SYCP1: variants seen among roughly 807,000 people sequenced by gnomAD.
SYCP1 encodes synaptonemal complex protein 1.
Under a neutral mutation model 153.1 loss-of-function variants are expected in SYCP1, and 64 were observed. That is an observed-to-expected ratio of 0.42 (90% confidence interval 0.34 to 0.51). The LOEUF is 0.51. SYCP1 is among the 20% of genes least tolerant of loss of function. The pLI, the probability that SYCP1 is intolerant of heterozygous loss-of-function variation, is 0.06. For missense variants in SYCP1, 997 were observed against 1,049.0 expected (o/e 0.95, Z 0.68); for synonymous variants, 384 against 341.8 (o/e 1.12, Z -1.36).
At chr1:114,867,486 C>T (rs79838121) in intron 8 of SYCP1, among the ~76,000 whole-genome samples, 4,031 of 152,006 alleles carry the variant, frequency 0.027, 83 homozygotes, top group Non-Finnish European at 0.042. Flanking sequence ...TAGATTTGTA[C>T]CTAAGTATTT....
intron 16 of SYCP1, among the ~76,000 whole-genome samples, chr1:114,896,694 A>G (rs1013234306): frequency 1.3e-5 from 2 of 152,226 alleles, no homozygotes; most frequent in Non-Finnish European, 2.9e-5. Context: ...AGAAAGTGAC[A>G]CTTTGTAACA....
intron 30 of SYCP1, 71 bp from the exon 31 acceptor site, chr1:114,994,627 T>C: frequency 8.2e-7 from 1 of 1,218,348 alleles, no homozygotes. Context: ...ATGTGATATG[T>C]TGACAAAATG....
intron 10 of SYCP1, 41 bp downstream of exon 10, chr1:114,876,179 T>C (rs747587779): frequency 1.5e-6 from 2 of 1,373,134 alleles, no homozygotes; most frequent in Non-Finnish European, 2.0e-6. Flanking sequence ...ATTACTGTTT[T>C]GCTATTTATA....
At chr1:114,911,395 A>T (rs919719595) in intron 17 of SYCP1, 84 bp from the exon 18 acceptor site, 14 of 1,073,622 alleles carry the variant, frequency 1.3e-5, no homozygotes, top group Non-Finnish European at 1.7e-5. Flanking sequence ...TGCCAAATAT[A>T]TGACTTAATT....
intron 15 of SYCP1, among the ~76,000 whole-genome samples, chr1:114,893,240 A>G (rs1199173295): frequency 6.6e-6 from 1 of 151,832 alleles, no homozygotes; most frequent in East Asian, 1.9e-4. Flanking sequence ...TTTTTCCTGA[A>G]TTGGGAGGTA....
intron 27 of SYCP1, among the ~76,000 whole-genome samples, chr1:114,960,628 G>A (rs185800907): frequency 6.9e-4 from 105 of 152,264 alleles, no homozygotes; most frequent in Admixed American, 2.4e-3. Flanking sequence ...ATATCTCATT[G>A]TAGTTTTGAT....
At chr1:114,867,542 C>A (rs562358278) in intron 8 of SYCP1, among the ~76,000 whole-genome samples, 1 of 152,044 alleles carries the variant, frequency 6.6e-6, no homozygotes, top group South Asian at 2.1e-4. Flanking sequence ...TTTTCAATTT[C>A]AAATTCCGCT....
chr1:114,858,398 A>T, intron 5 of SYCP1, 149 bp from the exon 6 acceptor site: 1 of 522,614 alleles, frequency 1.9e-6, no homozygotes, highest in Admixed American at 3.8e-5. Flanking sequence ...AGTTTAAAAG[A>T]GTTAATGTGG....
chr1:114,875,737 G>A (rs144690069), intron 9 of SYCP1, among the ~76,000 whole-genome samples: 2 of 152,320 alleles, frequency 1.3e-5, no homozygotes, highest in East Asian at 1.9e-4. Context: ...CCTCACATTA[G>A]TGGAGAAGAC....
rs1339031932 is a variant in SYCP1 at position 114,955,162 on chromosome 1, C to T, written c.2322+7842C>T. On this transcript the variant is annotated intron_variant, in intron 27 of 31. Transcript: ENST00000369522. ...CTTTTTCTGCATTGATTGATATTAT[C>T]ATATTATTTTTCTTTTTATCTTGTT... Among the ~76,000 whole-genome samples, 5 of 152,102 alleles carry T rather than the reference C, an allele frequency of 3.3e-5. 1 individual carries two copies. The East Asian group carries it at 9.7e-4, about 29-fold the overall frequency.
At chr1:114,933,137 G>T (rs976924860) in intron 23 of SYCP1, among the ~76,000 whole-genome samples, 1 of 152,152 alleles carries the variant, frequency 6.6e-6, no homozygotes, top group African/African-American at 2.4e-5. Context: ...TAACTGGGAG[G>T]CACCTCCCAG....
Position 114,994,681 on chromosome 1 carries a change from TTTTA to T in SYCP1, c.2704-13_2704-10del, listed in dbSNP as rs1557860346. ...TGATGGTAAACCCAACATCATATTT[TTTTA>T]TTTTTCTTCAAGAGCATGGTTTCAG... is the stretch of plus-strand genomic sequence containing the variant. On this transcript the variant is annotated splice_polypyrimidine_tract_variant and intron_variant, in intron 30 of 31. Transcript: ENST00000369522. 1.3e-6 allele frequency: 2 copies of T among 1,536,892 alleles called. No individual in the cohort carries two copies. The highest frequency in any genetic ancestry group is 1.7e-6 in the Non-Finnish European group (2 of 1,148,184).
chr1:114,977,573 A>T lies in SYCP1; in HGVS notation c.2339A>T (p.Glu780Val), dbSNP rs772166658. The part of the protein sequence containing the change: ...EREEKEKLKR[E>V]AKENTATLKE... ...TTTTAATAGGAAAAACTCAAAAGAG[A>T]GGCAAAAGAAAACACAGCTACTCTT... Residue 780 changes from glutamate (E) to valine (V), a missense_variant, in exon 28 of 32, where the codon GAG becomes GTG. Around this residue, in one of 2 missense-constraint regions of SYCP1, gnomAD observed 712 missense variants for 682.9 expected, o/e 1.04. Coordinates refer to ENST00000369522, the MANE Select transcript of SYCP1 (RefSeq NM_003176.4). The T allele has an allele frequency of 7.3e-6, 11 of 1,498,558 alleles. No homozygotes were observed. The African/African-American group carries it at 1.0e-4, about 14-fold the overall frequency. 92.8% of individuals were successfully genotyped at this position (1,498,558 alleles called of 1,614,324 possible).
At chr1:114,875,130 A>T (rs2101457420) in intron 9 of SYCP1, among the ~76,000 whole-genome samples, 1 of 151,620 alleles carries the variant, frequency 6.6e-6, no homozygotes. Context: ...CATCTCATTT[A>T]ACTTTTCTCA....
chr1:114,914,172 A>C (rs1668364793), intron 20 of SYCP1, 127 bp downstream of exon 20: 4 of 664,926 alleles, frequency 6.0e-6, no homozygotes, highest in Non-Finnish European at 9.4e-6. Flanking sequence ...ATTAGATATA[A>C]ATCACTGTTG....
chr1:114,855,956 G>A (rs1013736294), intron 2 of SYCP1, among the ~76,000 whole-genome samples: 6 of 152,130 alleles, frequency 3.9e-5, no homozygotes, highest in African/African-American at 9.7e-5. Context: ...ATAATAATTC[G>A]TGTTGTGACT....
intron 14 of SYCP1, among the ~76,000 whole-genome samples, chr1:114,887,313 C>A (rs939380908): frequency 1.3e-5 from 2 of 151,978 alleles, no homozygotes; most frequent in African/African-American, 4.8e-5. Context: ...GTTACATACT[C>A]AATTTCTTTC....
chr1:114,979,839 C>T (rs1451629127), intron 28 of SYCP1, among the ~76,000 whole-genome samples: 1 of 151,526 alleles, frequency 6.6e-6, no homozygotes, highest in Non-Finnish European at 1.5e-5. Flanking sequence ...TTAAATAATC[C>T]GGAAAGATAG....
intron 20 of SYCP1, among the ~76,000 whole-genome samples, chr1:114,918,417 G>C (rs2101704518): frequency 6.6e-6 from 1 of 152,150 alleles, no homozygotes; most frequent in East Asian, 1.9e-4. Flanking sequence ...TTGAAATCAG[G>C]TAATGTAATT....
Sources: gnomAD v4.1 joint callset for allele counts (sites outside exome capture counted in the v4.1 genomes callset) on GRCh38, gnomAD v4.1.1 for gene constraint, gnomAD v4.1.1 regional missense constraint, MANE v1.5 for transcripts, NCBI Gene and HGNC (gene_info 2026-07-23, HGNC 2026-07-21) for gene names.